The following METAP2 variants were observed in gnomAD, a reference collection of about 807,000 sequenced individuals.
METAP2 encodes methionine aminopeptidase 2.
A neutral mutation model predicts 59.4 loss-of-function variants in METAP2; 25 were observed. The ratio of observed to expected loss-of-function variants is 0.42; its 90% CI spans 0.31 to 0.59. The LOEUF (loss-of-function observed/expected upper bound fraction) is 0.59. Ranked by LOEUF, METAP2 falls within the 20% of genes least tolerant of loss-of-function variation. The probability of loss-of-function intolerance (pLI) is 0.16; values close to 1 mark genes in which losing one functional copy is unlikely to be tolerated. For synonymous variants in METAP2, 214 were observed against 194.1 expected (o/e 1.10, Z -0.85); for missense variants, 366 against 581.2 (o/e 0.63, Z 3.81).
At chr12:95,511,057 CTATTCT>C (rs1285938076) in intron 8 of METAP2, among the ~76,000 whole-genome samples, 1 of 152,078 alleles carries the variant, frequency 6.6e-6, no homozygotes, top group Non-Finnish European at 1.5e-5. Flanking sequence ...CACAATTTGT[CTATTCT>C]GTCCTTGCTG....
intron 9 of METAP2, among the ~76,000 whole-genome samples, 157 bp from the exon 10 acceptor site, chr12:95,512,644 G>A (rs1233392341): frequency 6.6e-6 from 1 of 152,124 alleles, no homozygotes; most frequent in African/African-American, 2.4e-5. Context: ...CCTGGAAAGT[G>A]GAGGTTGCAG....
chr12:95,512,342 A>T (rs2076409242), intron 9 of METAP2, among the ~76,000 whole-genome samples: 1 of 152,150 alleles, frequency 6.6e-6, no homozygotes, highest in Admixed American at 6.5e-5. Context: ...GAGATAAAGC[A>T]GGGCAAGGCT....
chr12:95,487,195 A>G (rs1389758728), intron 4 of METAP2, among the ~76,000 whole-genome samples: 1 of 152,220 alleles, frequency 6.6e-6, no homozygotes, highest in Non-Finnish European at 1.5e-5. Flanking sequence ...TTATAATACC[A>G]TGGACATTGA....
chr12:95,513,134 A>AC (rs1336299007), intron 10 of METAP2, among the ~76,000 whole-genome samples: 8 of 100,046 alleles, frequency 8.0e-5, no homozygotes, highest in South Asian at 7.7e-4. Context: ...CACACACACA[A>AC]GTGCTCTCTT....
At position 95,511,426 on chromosome 12, in the gene METAP2, C is replaced by T. The variant is rs141160569; in HGVS notation, c.965-469C>T. 7.4e-3 allele frequency among the ~76,000 whole-genome samples: 775 copies of T among 104,358 alleles called. 4 individuals carry two copies. The highest frequency in any genetic ancestry group is 0.068 in the Middle Eastern group (6 of 88). The allele number at this position is 104,358 out of a possible 152,430, so 68.5% of individuals were successfully genotyped here. On this transcript the variant is annotated intron_variant, in intron 8 of 10. Transcript: ENST00000323666. ...TTTTTTTTTTTTTGAGACGGAGTTG[C>T]TTTCGCCCAGGCTGAAGTGCAGTGA...
chr12:95,474,394 C>A, intron 1 of METAP2, 64 bp downstream of exon 1: 2 of 1,554,236 alleles, frequency 1.3e-6, no homozygotes, highest in East Asian at 2.3e-5. Flanking sequence ...GGCTCAGGCC[C>A]GTTGAGGGGG....
intron 2 of METAP2, among the ~76,000 whole-genome samples, chr12:95,476,436 C>G (rs373731072): frequency 2.6e-5 from 4 of 151,724 alleles, no homozygotes; most frequent in East Asian, 1.9e-4. Flanking sequence ...TGCTTGAGCC[C>G]GAGAGATGGA....
At chr12:95,494,623 T>C (rs192637538) in intron 5 of METAP2, among the ~76,000 whole-genome samples, 1 of 152,354 alleles carries the variant, frequency 6.6e-6, no homozygotes, top group East Asian at 1.9e-4. Context: ...TGTAATTCTC[T>C]GATTCCTACA....
rs112506052 is a variant in METAP2 at position 95,513,835 on chromosome 12, G to A, written c.1368G>A (p.Ala456=). 5.4e-4 allele frequency: 867 copies of A among 1,614,128 alleles called. 4 individuals carry two copies. Among genetic ancestry groups the A allele is most frequent in the African/African-American group, 4.9e-3 (364 of 75,026 alleles). Residue 456 remains alanine, a synonymous_variant, in exon 11 of 11, where the codon GCG becomes GCA. Coordinates refer to ENST00000323666, the MANE Select transcript of METAP2 (RefSeq NM_006838.4). ...PLCDIKGSYT[A]QFEHTILLRP... ...GTGACATTAAAGGATCATATACAGC[G>A]CAATTTGAACATACCATCCTGTTGC... is the stretch of plus-strand genomic sequence containing the variant.
In METAP2 at chr12:95,505,755, G is replaced by A. The variant is rs76513386; in HGVS notation, c.964+1594G>A. Among the ~76,000 whole-genome samples, 48 of 150,630 alleles carry A rather than the reference G, an allele frequency of 3.2e-4. 1 individual carries two copies. Among genetic ancestry groups the A allele is most frequent in the Admixed American group, 7.9e-4 (12 of 15,114 alleles). On this transcript the variant is annotated intron_variant, in intron 8 of 10. Transcript: ENST00000323666. ...GGTGATCCGCCCACCTCGGCCTCCC[G>A]AAGTGCTGGGATTACAGGCATGAGC...
chr12:95,502,158 A>G (rs982861099), intron 7 of METAP2, among the ~76,000 whole-genome samples: 1 of 151,926 alleles, frequency 6.6e-6, no homozygotes, highest in Non-Finnish European at 1.5e-5. Context: ...GTGTGCCACA[A>G]TACCTTGCTA....
At chr12:95,503,632 T>C (rs1594432986) in intron 7 of METAP2, among the ~76,000 whole-genome samples, 1 of 152,284 alleles carries the variant, frequency 6.6e-6, no homozygotes, top group East Asian at 1.9e-4. Context: ...GTTTAGGACA[T>C]AGACTGTTCT....
intron 1 of METAP2, among the ~76,000 whole-genome samples, chr12:95,475,504 C>T (rs2076111431): frequency 6.6e-6 from 1 of 152,204 alleles, no homozygotes; most frequent in Admixed American, 6.5e-5. Context: ...TCATTTCGTG[C>T]TACCTGATAC....
intron 8 of METAP2, among the ~76,000 whole-genome samples, chr12:95,507,559 A>C (rs554156775): frequency 2.0e-5 from 3 of 152,350 alleles, no homozygotes; most frequent in South Asian, 2.1e-4. Flanking sequence ...TCTGTCTTCT[A>C]TACAGTATTT....
chr12:95,513,617 T>C, intron 10 of METAP2, 35 bp from the exon 11 acceptor site: 1 of 1,595,660 alleles, frequency 6.3e-7, no homozygotes, highest in Non-Finnish European at 8.5e-7. Flanking sequence ...CGTAACTCTT[T>C]TGCCAACAGT....
At chr12:95,482,336 C>A in intron 2 of METAP2, 1 of 309,138 alleles carries the variant, frequency 3.2e-6, no homozygotes, top group Non-Finnish European at 6.4e-6. Flanking sequence ...TGGTCTCAAA[C>A]TCCTGGGCTC....
intron 2 of METAP2, among the ~76,000 whole-genome samples, chr12:95,477,168 A>G (rs1594408646): frequency 6.6e-6 from 1 of 151,172 alleles, no homozygotes; most frequent in East Asian, 1.9e-4. Flanking sequence ...CAGTGGCGTG[A>G]TCTCGGATCA....
chr12:95,496,573 G>T (rs990126852), intron 7 of METAP2, among the ~76,000 whole-genome samples: 1 of 151,924 alleles, frequency 6.6e-6, no homozygotes, highest in Non-Finnish European at 1.5e-5. Flanking sequence ...TAACATTAGG[G>T]TTCATTCTTA....
In METAP2 at chr12:95,483,475, C is replaced by CAAA. The variant is rs141083015; in HGVS notation, c.325+216_325+218dup. On this transcript the variant is annotated intron_variant, in intron 3 of 10. Transcript: ENST00000323666. ...TGGGCAACAGAGTGAGACTCTGTCT[C>CAAA]AAAAAAAAAAAAAAAAAAAAAAAGA... is the stretch of plus-strand genomic sequence containing the variant. The CAAA allele has an allele frequency of 7.9e-3, 507 of 64,428 alleles. 3 individuals carry two copies. Among genetic ancestry groups the CAAA allele is most frequent in the African/African-American group, 0.015 (245 of 16,006 alleles). The allele number at this position is 64,428 out of a possible 1,614,324, so 4.0% of individuals were successfully genotyped here. A position where few individuals can be genotyped will look rare whatever the true frequency, so the allele number is the denominator to read the frequency against.
Sources: gnomAD v4.1 joint callset for allele counts (sites outside exome capture counted in the v4.1 genomes callset) on GRCh38, gnomAD v4.1.1 for gene constraint, MANE v1.5 for transcripts, NCBI Gene and HGNC (gene_info 2026-07-23, HGNC 2026-07-21) for gene names.